The following GRID2 variants were observed in gnomAD, a reference collection of about 807,000 sequenced individuals.
GRID2 encodes the protein glutamate ionotropic receptor delta type subunit 2, also known as glutamate receptor ionotropic, delta-2.
In GRID2, 33 loss-of-function variants were observed where a neutral mutation model predicts 114.8. That is an observed-to-expected ratio of 0.29 (90% CI 0.22 to 0.38). The LOEUF (loss-of-function observed/expected upper bound fraction) is 0.38, where lower values mean the gene tolerates loss of function less well. Ranked by LOEUF, GRID2 falls within the 10% of genes least tolerant of loss-of-function variation. GRID2 has a pLI of 1.00. For synonymous variants in GRID2, 505 were observed against 449.9 expected, an observed-to-expected ratio of 1.12 and a Z score of -1.55; for missense variants, 1,184 against 1,257.7, an observed-to-expected ratio of 0.94 and a Z score of 0.89.
chr4:92,865,960 A>G (rs992441082), intron 2 of GRID2, among the ~76,000 whole-genome samples: 2 of 152,224 alleles, frequency 1.3e-5, no homozygotes, highest in African/African-American at 2.4e-5. Flanking sequence ...AAAATGAAAA[A>G]TTAATTTCAG....
chr4:92,944,365 C>G (rs1354996122), intron 2 of GRID2, among the ~76,000 whole-genome samples: 1 of 152,212 alleles, frequency 6.6e-6, no homozygotes. Flanking sequence ...GCATAGGACC[C>G]TCTGAGCCAG....
intron 1 of GRID2, among the ~76,000 whole-genome samples, chr4:92,564,116 C>T (rs1490431475): frequency 6.6e-6 from 1 of 151,954 alleles, no homozygotes; most frequent in Non-Finnish European, 1.5e-5. Flanking sequence ...ACTCATGGGT[C>T]TGTCTTACCC....
chr4:92,990,313 G>C (rs1455096347), intron 2 of GRID2, among the ~76,000 whole-genome samples: 2 of 148,504 alleles, frequency 1.3e-5, no homozygotes, highest in Non-Finnish European at 3.0e-5. Context: ...ATATGTGTGT[G>C]TGTGTGTGTG....
intron 9 of GRID2, among the ~76,000 whole-genome samples, chr4:93,421,041 T>A (rs185601913): frequency 1.1e-4 from 17 of 152,246 alleles, no homozygotes; most frequent in Non-Finnish European, 2.1e-4. Context: ...TTTCTTTCTT[T>A]CTTACATTCT....
chr4:92,541,154 G>T (rs540962874), intron 1 of GRID2, among the ~76,000 whole-genome samples: 14 of 152,154 alleles, frequency 9.2e-5, no homozygotes, highest in African/African-American at 3.4e-4. Context: ...AGGGTGGGGA[G>T]AGGGGGGAGG....
chr4:93,791,700 T>C (rs1734697129), intron 1 of GRID2, among the ~76,000 whole-genome samples: 1 of 152,166 alleles, frequency 6.6e-6, no homozygotes, highest in Admixed American at 6.5e-5. Flanking sequence ...CCCCTTCTTG[T>C]TTCTCCAAAT....
At chr4:92,669,246 C>T (rs934046240) in intron 2 of GRID2, among the ~76,000 whole-genome samples, 1 of 151,838 alleles carries the variant, frequency 6.6e-6, no homozygotes, top group African/African-American at 2.4e-5. Flanking sequence ...AACTTAAAGA[C>T]ATTGAATACG....
At chr4:93,501,456 A>C (rs1385769360) in intron 12 of GRID2, among the ~76,000 whole-genome samples, 1 of 152,032 alleles carries the variant, frequency 6.6e-6, no homozygotes, top group African/African-American at 2.4e-5. Context: ...AGAACACACA[A>C]GCACTGCAGC....
At chr4:93,429,298 TG>T (rs1402905868) in intron 10 of GRID2, among the ~76,000 whole-genome samples, 1 of 152,222 alleles carries the variant, frequency 6.6e-6, no homozygotes, top group Non-Finnish European at 1.5e-5. Flanking sequence ...GAAAATGGTA[TG>T]TATAGGTTTA....
At chr4:93,561,975 AG>A (rs1734967267) in intron 13 of GRID2, among the ~76,000 whole-genome samples, 1 of 152,134 alleles carries the variant, frequency 6.6e-6, no homozygotes, top group Non-Finnish European at 1.5e-5. Context: ...TTATGAATAA[AG>A]CTGGTATAAA....
chr4:92,460,053 T>TATATATATATATATATATATACAC (rs1032538170), intron 1 of GRID2, among the ~76,000 whole-genome samples: 2 of 99,768 alleles, frequency 2.0e-5, no homozygotes, highest in African/African-American at 3.9e-5. Flanking sequence ...TATATATATA[T>TATATATATATATATATATATACAC]ACACACACAA....
At chr4:93,528,068 C>A (rs1731090748) in intron 13 of GRID2, among the ~76,000 whole-genome samples, 1 of 151,610 alleles carries the variant, frequency 6.6e-6, no homozygotes, top group Non-Finnish European at 1.5e-5. Flanking sequence ...AAATAATATT[C>A]TGTTGTGTAT....
In GRID2 at chr4:92,580,983, T is replaced by C. The variant is rs1728158824; in HGVS notation, c.89-9148T>C. Among the ~76,000 whole-genome samples the C allele has an allele frequency of 2.6e-5, 4 of 151,868 alleles. No homozygotes were observed. In the Admixed American group the frequency reaches 2.6e-4, roughly 10 times the overall value. On this transcript the variant is annotated intron_variant, in intron 1 of 15. Coordinates refer to ENST00000282020, the MANE Select transcript of GRID2 (RefSeq NM_001510.4). Reference sequence around the variant, plus strand: ...GTGTCTATTGTCAAACCAATTCTTTTTGTTCTTGTCATGGCAGAATTTTGT... The same window carrying C: ...GTGTCTATTGTCAAACCAATTCTTTCTGTTCTTGTCATGGCAGAATTTTGT...
At chr4:92,401,721 G>A (rs913325971) in intron 1 of GRID2, among the ~76,000 whole-genome samples, 2 of 152,128 alleles carry the variant, frequency 1.3e-5, no homozygotes, top group Non-Finnish European at 2.9e-5. Context: ...TCATTGAGTC[G>A]TTAATATTTT....
At chr4:92,925,621 T>C (rs1749752731) in intron 2 of GRID2, among the ~76,000 whole-genome samples, 1 of 152,036 alleles carries the variant, frequency 6.6e-6, no homozygotes, top group Non-Finnish European at 1.5e-5. Context: ...ATTGGTAAAC[T>C]CTTTCAAAAT....
At chr4:93,169,999 T>A (rs539883801) in intron 4 of GRID2, among the ~76,000 whole-genome samples, 1 of 152,236 alleles carries the variant, frequency 6.6e-6, no homozygotes, top group African/African-American at 2.4e-5. Context: ...AAACAATGAA[T>A]GTTATTATTT....
chr4:92,513,210 G>A (rs746726795), intron 1 of GRID2, among the ~76,000 whole-genome samples: 4 of 151,754 alleles, frequency 2.6e-5, no homozygotes, highest in Non-Finnish European at 5.9e-5. Flanking sequence ...CTTACCAATA[G>A]CATCAGTTAG....
rs1728630298 is a variant in GRID2 at position 93,713,175 on chromosome 4, C to A, written c.2361-56035C>A. ...TCTAATGATTCTCAAGGTATTACTT[C>A]TTTAAAGTTGGAACAGAATGTGTAA... is the stretch of plus-strand genomic sequence containing the variant. On this transcript the variant is annotated intron_variant, in intron 14 of 15. Transcript: ENST00000282020. Among the ~76,000 whole-genome samples, 3 of 152,088 alleles carry A rather than the reference C, an allele frequency of 2.0e-5. No individual in the cohort carries two copies. In the South Asian group the frequency reaches 6.2e-4, roughly 32 times the overall value.
chr4:92,867,684 A>T (rs1179119391), intron 2 of GRID2, among the ~76,000 whole-genome samples: 3 of 151,992 alleles, frequency 2.0e-5, no homozygotes, highest in African/African-American at 7.3e-5. Flanking sequence ...TGCTCAATGG[A>T]ACCTTAAAAA....
Sources: gnomAD v4.1 joint callset for allele counts (sites outside exome capture counted in the v4.1 genomes callset) on GRCh38, gnomAD v4.1.1 for gene constraint, MANE v1.5 for transcripts, NCBI Gene and HGNC (gene_info 2026-07-23, HGNC 2026-07-21) for gene names.